ACOX1: variants seen among roughly 807,000 people sequenced by gnomAD.
The protein encoded by ACOX1 is peroxisomal acyl-coenzyme A oxidase 1.
Under a neutral mutation model 75.5 loss-of-function variants are expected in ACOX1, and 41 were observed. The observed-to-expected ratio is 0.54, with a 90% CI of 0.42 to 0.70. The LOEUF (loss-of-function observed/expected upper bound fraction) is 0.70. ACOX1 is among the 30% of genes least tolerant of loss of function. The pLI is 0.00. For synonymous variants in ACOX1, 303 were observed against 298.8 expected (o/e 1.01, Z -0.15); for missense variants, 630 against 837.5 (o/e 0.75, Z 3.06).
chr17:75,948,218 T>C (rs2065739446), intron 13 of ACOX1, 33 bp downstream of exon 13: 2 of 1,609,908 alleles, frequency 1.2e-6, no homozygotes, highest in Admixed American at 1.7e-5. Context: ...AAGTGAAGAC[T>C]TTTAAAAAGG....
intron 2 of ACOX1, among the ~76,000 whole-genome samples, chr17:75,965,038 G>GA (rs1555618614): frequency 1.3e-5 from 2 of 151,720 alleles, no homozygotes; most frequent in African/African-American, 4.8e-5. Context: ...GGCTATAAGG[G>GA]AAAAAAAATT....
chr17:75,961,144 T>C (rs2065883665), intron 2 of ACOX1, among the ~76,000 whole-genome samples: 1 of 144,824 alleles, frequency 6.9e-6, no homozygotes, highest in Non-Finnish European at 1.5e-5. Flanking sequence ...AATACAAAAA[T>C]TAAGCAGGCA....
intron 12 of ACOX1, among the ~76,000 whole-genome samples, chr17:75,948,862 C>CTT (rs34512190): frequency 4.8e-5 from 6 of 125,274 alleles, no homozygotes; most frequent in South Asian, 2.6e-4. Flanking sequence ...TTTTCTTTTT[C>CTT]TTTTTTTTTT....
intron 3 of ACOX1, among the ~76,000 whole-genome samples, chr17:75,958,739 T>C (rs556521986): frequency 6.6e-4 from 94 of 141,810 alleles, no homozygotes; most frequent in African/African-American, 1.6e-3. Flanking sequence ...ACCCGGAAGG[T>C]GGAGCTTGCA....
At chr17:75,964,756 A>G (rs112747439) in intron 2 of ACOX1, among the ~76,000 whole-genome samples, 3,051 of 152,316 alleles carry the variant, frequency 0.02, 56 homozygotes, top group Non-Finnish European at 0.032. Flanking sequence ...TAAATAATTT[A>G]TCGTAAAATT....
rs1202901901 is a variant in ACOX1, at chr17:75,950,140, C to T, written c.1299-243G>A. Among the ~76,000 whole-genome samples, 2 of 151,896 alleles carry T rather than the reference C, an allele frequency of 1.3e-5. No individual in the cohort carries two copies. The highest frequency in any genetic ancestry group is 4.8e-5 in the African/African-American group (2 of 41,354). On this transcript the variant is annotated intron_variant, in intron 9 of 13. Transcript: ENST00000293217. This position sits in a 1 kb window ranked among gnomAD's most constrained non-coding sequence, Gnocchi z 4.3. ...TAATATTTTGTTTTTTTAGTAGAGA[C>T]AGGGTTTTACCATGTTGGCCAGGCT...
At chr17:75,964,124 C>T (rs1433241746) in intron 2 of ACOX1, among the ~76,000 whole-genome samples, 2 of 144,172 alleles carry the variant, frequency 1.4e-5, no homozygotes, top group Non-Finnish European at 3.0e-5. Flanking sequence ...GCAGAGGTTG[C>T]AGTGAGCCAA....
In ACOX1 at chr17:75,955,862, A is replaced by C. The variant is rs775883884; in HGVS notation, c.624T>G (p.Pro208=). The C allele has an allele frequency of 6.2e-7, 1 of 1,614,128 alleles. No individual in the cohort carries two copies. Among genetic ancestry groups the C allele is most frequent in the Non-Finnish European group, 8.5e-7 (1 of 1,180,006 alleles). Residue 208 remains proline, a synonymous_variant, in exon 5 of 14, where the codon CCT becomes CCG. Transcript: ENST00000293217. The part of the protein sequence containing the change: ...KCYGLHAFIV[P]IREIGTHKPL... ...GCTTATGGGTCCCGATTTCACGAATAGGTACGATAAAGGCATGTAATCCAT... is the reference window on the plus strand; with the variant it reads ...GCTTATGGGTCCCGATTTCACGAATCGGTACGATAAAGGCATGTAATCCAT...
Position 75,950,863 on chromosome 17 carries a change from A to T in ACOX1, c.1209T>A (p.His403Gln). ...CATAAATATTTGGAAGACCACTGCA[A>T]TGAGAATAGCCATGCCCACCACAAG... ...RMACGGHGYS[H>Q]CSGLPNIYVN... The change falls in exon 9 of 14, where the codon CAT (histidine) becomes CAA (glutamine). Residue 403 changes from histidine to glutamine, a missense_variant. This residue lies in a region of ACOX1 where 390 missense variants were observed against 574.9 expected (regional missense o/e 0.68). Transcript: ENST00000293217. The surrounding 1 kb of genome is among the most constrained non-coding windows in gnomAD (Gnocchi z 4.3). 6.2e-7 allele frequency: 1 copy of T among 1,614,182 alleles called. No homozygotes were observed. Among genetic ancestry groups the T allele is most frequent in the Non-Finnish European group, 8.5e-7 (1 of 1,180,034 alleles).
intron 13 of ACOX1, 136 bp downstream of exon 13, chr17:75,948,115 G>A (rs1034872370): frequency 6.7e-5 from 57 of 848,664 alleles, no homozygotes; most frequent in Non-Finnish European, 1.0e-4. Context: ...TGAACCTGTT[G>A]CTCAAATAAA....
rs758555552 is a variant in ACOX1 at position 75,949,199 on chromosome 17, T to G, written c.1728+18A>C. 3.1e-6 allele frequency: 5 copies of G among 1,614,026 alleles called. No homozygotes were observed. In the East Asian group the frequency reaches 8.9e-5, roughly 29 times the overall value. On this transcript the variant is annotated intron_variant, in intron 12 of 13. Transcript: ENST00000293217. Reference sequence around the variant, plus strand: ...TTAAAACAACAACAAAAAAGACTTATACTTAGAAAATACTGACCTGAAGGA... The same window carrying G: ...TTAAAACAACAACAAAAAAGACTTAGACTTAGAAAATACTGACCTGAAGGA...
intron 2 of ACOX1, among the ~76,000 whole-genome samples, chr17:75,975,641 A>G (rs1472646482): frequency 6.6e-6 from 1 of 152,186 alleles, no homozygotes; most frequent in Admixed American, 6.5e-5. Flanking sequence ...GCTCATTAAC[A>G]TCAGTTAAAA....
chr17:75,978,106 A>AC lies in ACOX1; in HGVS notation c.269+427_269+428insG, dbSNP rs1476048916. Among the ~76,000 whole-genome samples the AC allele has an allele frequency of 6.9e-6, 1 of 144,092 alleles. No individual in the cohort carries two copies. The highest frequency in any genetic ancestry group is 1.5e-5 in the Non-Finnish European group (1 of 66,094). 94.5% of individuals were successfully genotyped at this position (144,092 alleles called of 152,430 possible). Reference sequence around the variant, plus strand: ...ACTTTATTTATTTATTTATTTATTTATTTTTTGAGATGGAGTCTCGCACTC... The same window carrying AC: ...ACTTTATTTATTTATTTATTTATTTACTTTTTTGAGATGGAGTCTCGCACTC... On this transcript the variant is annotated intron_variant, in intron 2 of 13. Coordinates refer to ENST00000293217, the MANE Select transcript of ACOX1 (RefSeq NM_004035.7). This position sits in a 1 kb window ranked among gnomAD's most constrained non-coding sequence, Gnocchi z 4.2.
Position 75,960,365 on chromosome 17 carries a change from G to A in ACOX1, c.280C>T (p.Arg94Ter), listed in dbSNP as rs780675610. 5.6e-6 allele frequency: 9 copies of A among 1,613,810 alleles called. No individual in the cohort carries two copies. The highest frequency in any genetic ancestry group is 1.1e-5 in the South Asian group (1 of 91,066). Residue 94 changes from arginine (R) to a stop codon, truncating the protein, a stop_gained, in exon 3 of 14, where the codon CGA becomes TGA. Coordinates refer to ENST00000293217, the MANE Select transcript of ACOX1 (RefSeq NM_004035.7). LOFTEE classifies it high-confidence loss of function. This position sits in a 1 kb window ranked among gnomAD's most constrained non-coding sequence, Gnocchi z 4.4. ...EIMWFKNFVH[R>*]GRPEPLDLHL... The stretch of plus-strand genomic sequence containing the variant: ...AGATCCAGAGGCTCAGGCCGCCCTC[G>A]GTGCACAAAACTTCGAGGAAATATC...
rs1166325964 is a variant in ACOX1, at chr17:75,958,450, C to T, written c.431-884G>A. 2.7e-5 allele frequency among the ~76,000 whole-genome samples: 4 copies of T among 147,626 alleles called. 1 individual carries two copies. The highest frequency in any genetic ancestry group is 1.3e-4 in the Admixed American group (2 of 15,000). ...TTGGGAGGCCGAGGTGGGGGGATCA[C>T]GAGGTCAGGAGATTGAGACCATCCT... On this transcript the variant is annotated intron_variant, in intron 3 of 13. Coordinates refer to ENST00000293217, the MANE Select transcript of ACOX1 (RefSeq NM_004035.7).
intron 2 of ACOX1, among the ~76,000 whole-genome samples, chr17:75,965,659 C>T (rs2065925169): frequency 1.3e-5 from 2 of 151,660 alleles, no homozygotes; most frequent in African/African-American, 4.8e-5. Context: ...CAGCAAGATC[C>T]TATCTCTACT....
At position 75,979,026 on chromosome 17, in the gene ACOX1, C is replaced by T. The variant is rs1428559799; in HGVS notation, c.48G>A (p.Pro16=). Residue 16 remains proline (P), a synonymous_variant, in exon 1 of 14, where the codon CCG becomes CCA. Transcript: ENST00000293217. ...RRERDSASFN[P]ELLTHILDGS... ...CGTCCAGGATGTGTGTAAGCAGCTCCGGGTTGAAGCTGGCGGAATCCCGCT... is the reference window on the plus strand; with the variant it reads ...CGTCCAGGATGTGTGTAAGCAGCTCTGGGTTGAAGCTGGCGGAATCCCGCT... The T allele has an allele frequency of 6.2e-7, 1 of 1,612,514 alleles. No individual in the cohort carries two copies. The highest frequency in any genetic ancestry group is 2.2e-5 in the East Asian group (1 of 44,876).
chr17:75,951,808 CTTTTTTTTTTTTTT>C (rs1029666749), intron 7 of ACOX1, among the ~76,000 whole-genome samples: 1 of 77,430 alleles, frequency 1.3e-5, no homozygotes, highest in African/African-American at 5.6e-5. Flanking sequence ...TAAATTGAGG[CTTTTTTTTTTTTTT>C]TTTTTTTTTT....
At chr17:75,953,104 C>T (rs1370257253) in intron 7 of ACOX1, 3 of 277,148 alleles carry the variant, frequency 1.1e-5, no homozygotes, top group Non-Finnish European at 2.1e-5. Context: ...GCACAATTTA[C>T]AGTTGCTAGT....
Sources: gnomAD v4.1 joint callset for allele counts (sites outside exome capture counted in the v4.1 genomes callset) on GRCh38, gnomAD v4.1.1 for gene constraint, gnomAD v4.1.1 regional missense constraint, Gnocchi (gnomAD v3.1) non-coding constraint, MANE v1.5 for transcripts, NCBI Gene and HGNC (gene_info 2026-07-23, HGNC 2026-07-21) for gene names.